CADM1: variants seen among roughly 807,000 people sequenced by gnomAD.
CADM1 encodes cell adhesion molecule 1, also known as TSLC-1.
In CADM1, 15 loss-of-function variants were observed where a neutral mutation model predicts 53.1. That is an observed-to-expected ratio of 0.28 (90% CI 0.19 to 0.44). The LOEUF (loss-of-function observed/expected upper bound fraction) is 0.44. Among genes scored for constraint, CADM1 ranks in the 20% least tolerant of loss-of-function variants. The pLI, the probability that CADM1 is intolerant of heterozygous loss-of-function variation, is 1.00. For missense variants in CADM1, 434 were observed against 611.3 expected (o/e 0.71, Z 3.06); for synonymous variants, 281 against 243.0 (o/e 1.16, Z -1.45).
At chr11:115,240,488 T>C (rs952951890) in intron 1 of CADM1, 68 bp from the exon 2 acceptor site, 25 of 1,530,590 alleles carry the variant, frequency 1.6e-5, no homozygotes, top group South Asian at 5.7e-5. Flanking sequence ...GTGGGATCTA[T>C]TAAAGTGGGA....
At chr11:115,181,619 C>T (rs956705214) in intron 10 of CADM1, among the ~76,000 whole-genome samples, 2 of 152,206 alleles carry the variant, frequency 1.3e-5, no homozygotes, top group African/African-American at 2.4e-5. Flanking sequence ...CGCCTCTTCC[C>T]ACCCCCACTC....
At chr11:115,464,445 T>G (rs1591271893) in intron 1 of CADM1, among the ~76,000 whole-genome samples, 1 of 152,286 alleles carries the variant, frequency 6.6e-6, no homozygotes, top group Admixed American at 6.5e-5. Context: ...TTTCTCATTT[T>G]CTAAGCCTGA....
At chr11:115,462,357 C>G (rs952884789) in intron 1 of CADM1, among the ~76,000 whole-genome samples, 1 of 152,186 alleles carries the variant, frequency 6.6e-6, no homozygotes, top group African/African-American at 2.4e-5. Context: ...CCTTGCATAT[C>G]ACCTGCACTA....
intron 1 of CADM1, among the ~76,000 whole-genome samples, chr11:115,301,643 G>A (rs1031946577): frequency 6.6e-6 from 1 of 152,008 alleles, no homozygotes; most frequent in African/African-American, 2.4e-5. Flanking sequence ...ATGATACAGT[G>A]CATAAAAGCT....
intron 1 of CADM1, among the ~76,000 whole-genome samples, chr11:115,492,755 G>A (rs901303808): frequency 7.2e-5 from 11 of 152,122 alleles, no homozygotes; most frequent in African/African-American, 2.7e-4. Flanking sequence ...ATGGGAGATG[G>A]AGAGAAAGTA....
At chr11:115,283,196 T>A (rs1270436872) in intron 1 of CADM1, among the ~76,000 whole-genome samples, 1 of 152,186 alleles carries the variant, frequency 6.6e-6, no homozygotes, top group African/African-American at 2.4e-5. Flanking sequence ...AGGAAAACAG[T>A]CCCTGAAAGA....
chr11:115,474,489 A>G (rs1949085012), intron 1 of CADM1, among the ~76,000 whole-genome samples: 1 of 151,810 alleles, frequency 6.6e-6, no homozygotes, highest in Admixed American at 6.6e-5. Context: ...AAAATGTGGC[A>G]CATATACACC....
At chr11:115,255,440 G>A (rs895184492) in intron 1 of CADM1, among the ~76,000 whole-genome samples, 6 of 152,116 alleles carry the variant, frequency 3.9e-5, no homozygotes, top group Admixed American at 3.3e-4. Flanking sequence ...AAACTCACAC[G>A]AGACCTACTA....
At chr11:115,313,901 A>G (rs1416549720) in intron 1 of CADM1, among the ~76,000 whole-genome samples, 1 of 152,196 alleles carries the variant, frequency 6.6e-6, no homozygotes, top group Non-Finnish European at 1.5e-5. Flanking sequence ...CAACCCATCC[A>G]TAGATCTGGA....
rs557570893 is a variant in CADM1 at position 115,249,308 on chromosome 11, G to A, written c.125-8888C>T. On this transcript the variant is annotated intron_variant, in intron 1 of 11. Coordinates refer to ENST00000331581, the MANE Select transcript of CADM1 (RefSeq NM_001301043.2). ...GTGACTGCTTTCTAGAGTGAAAACC[G>A]GTTACACAAAATTCCACTGTTGACA... 2.0e-4 allele frequency among the ~76,000 whole-genome samples: 31 copies of A among 152,238 alleles called. 2 individuals are homozygous for A. In the South Asian group the frequency reaches 5.8e-3, roughly 29 times the overall value.
At chr11:115,313,065 T>C (rs1224902891) in intron 1 of CADM1, among the ~76,000 whole-genome samples, 1 of 152,126 alleles carries the variant, frequency 6.6e-6, no homozygotes, top group Non-Finnish European at 1.5e-5. Context: ...CAATTTCTCA[T>C]GTCACCTCAA....
At chr11:115,237,072 A>G (rs1419358856) in intron 3 of CADM1, among the ~76,000 whole-genome samples, 2 of 152,284 alleles carry the variant, frequency 1.3e-5, no homozygotes, top group African/African-American at 2.4e-5. Context: ...GGATGAGTGG[A>G]TAGTCAATTT....
At chr11:115,287,300 T>C (rs1943754729) in intron 1 of CADM1, 1 of 152,190 alleles carries the variant, frequency 6.6e-6, no homozygotes, top group Non-Finnish European at 1.5e-5. Context: ...TCATTATTAG[T>C]TGCTGTTATT....
chr11:115,448,878 T>C (rs1377170834), intron 1 of CADM1, among the ~76,000 whole-genome samples: 1 of 152,214 alleles, frequency 6.6e-6, no homozygotes, highest in African/African-American at 2.4e-5. Flanking sequence ...AGATCTCAAA[T>C]GTATTAAGTT....
intron 1 of CADM1, among the ~76,000 whole-genome samples, chr11:115,320,873 A>C (rs1336250896): frequency 2.0e-5 from 3 of 152,206 alleles, no homozygotes; most frequent in African/African-American, 7.2e-5. Flanking sequence ...CTCCTGTTAA[A>C]ATATTATTTT....
chr11:115,211,780 C>T (rs117407039), intron 7 of CADM1, among the ~76,000 whole-genome samples: 4,178 of 151,992 alleles, frequency 0.027, 97 homozygotes, highest in Non-Finnish European at 0.045. Flanking sequence ...TGAGCCACCA[C>T]GCCCAGCCTA....
chr11:115,304,810 T>TA (rs1190234016), intron 1 of CADM1, among the ~76,000 whole-genome samples: 1 of 152,010 alleles, frequency 6.6e-6, no homozygotes, highest in African/African-American at 2.4e-5. Context: ...AAGCTTCACT[T>TA]TTATTAAGTG....
intron 1 of CADM1, among the ~76,000 whole-genome samples, chr11:115,308,480 C>A (rs7941543): frequency 1 from 152,093 of 152,096 alleles, 76,045 homozygotes; most frequent in Middle Eastern, 1. Context: ...ACTAGAAAAA[C>A]TTTAAATGAA....
rs993895924 is a variant in CADM1, at chr11:115,490,838, C to T, written c.124+13433G>A. Among the ~76,000 whole-genome samples, 4 of 152,124 alleles carry T rather than the reference C, an allele frequency of 2.6e-5. No homozygotes were observed. The East Asian group carries it at 7.7e-4, about 29-fold the overall frequency. Reference sequence around the variant, plus strand: ...CCATTTGTGTTTCTTGGACAAGGGACCTATTACTGTCCTCTCCTCTTCCTC... The same window carrying T: ...CCATTTGTGTTTCTTGGACAAGGGATCTATTACTGTCCTCTCCTCTTCCTC... On this transcript the variant is annotated intron_variant, in intron 1 of 11. Transcript: ENST00000331581.
Sources: allele counts gnomAD v4.1 joint callset (sites outside exome capture counted in the v4.1 genomes callset), GRCh38; gene constraint gnomAD v4.1.1; transcripts MANE v1.5; gene names NCBI Gene and HGNC (gene_info 2026-07-23, HGNC 2026-07-21).